Variants in RAD51B observed in about 807,000 individuals in gnomAD.
RAD51B encodes the protein DNA repair protein RAD51 homolog 2.
In RAD51B, 38 loss-of-function variants were observed where a neutral mutation model predicts 42.2. The observed-to-expected ratio is 0.90, with a 90% CI of 0.70 to 1.18. The LOEUF (loss-of-function observed/expected upper bound fraction) is 1.18. Among genes scored for constraint, RAD51B ranks in the 50% most tolerant of loss-of-function variants. RAD51B has a pLI of 0.00. For synonymous variants in RAD51B, 154 were observed against 145.2 expected, an observed-to-expected ratio of 1.06 and a Z score of -0.43; for missense variants, 373 against 400.7, an observed-to-expected ratio of 0.93 and a Z score of 0.59.
intron 8 of RAD51B, among the ~76,000 whole-genome samples, chr14:68,341,813 A>G (rs746327014): frequency 5.3e-5 from 8 of 152,304 alleles, no homozygotes; most frequent in Non-Finnish European, 4.4e-5. Flanking sequence ...CCCCAGAGGT[A>G]GGGGTGGAGC....
intron 7 of RAD51B, among the ~76,000 whole-genome samples, chr14:67,954,987 G>T (rs2074520783): frequency 6.6e-6 from 1 of 151,728 alleles, no homozygotes; most frequent in Non-Finnish European, 1.5e-5. Flanking sequence ...TATAGGGAGA[G>T]GACAGATGCT....
At chr14:68,195,831 C>G (rs1273192044) in intron 7 of RAD51B, among the ~76,000 whole-genome samples, 17 of 150,182 alleles carry the variant, frequency 1.1e-4, no homozygotes, top group Admixed American at 9.9e-4. Flanking sequence ...TCCCTTGAAC[C>G]CAGGAGGCAG....
chr14:68,205,782 G>C (rs530987595), intron 7 of RAD51B, among the ~76,000 whole-genome samples: 1 of 151,976 alleles, frequency 6.6e-6, no homozygotes, highest in African/African-American at 2.4e-5. Context: ...ATATTTTTCT[G>C]AGCCATTTGA....
intron 7 of RAD51B, among the ~76,000 whole-genome samples, chr14:68,151,253 G>A (rs1295793518): frequency 6.6e-6 from 1 of 151,412 alleles, no homozygotes; most frequent in East Asian, 1.9e-4. Context: ...GACTTTTATT[G>A]TTTCTGACTA....
chr14:67,882,806 G>A (rs1026627519), intron 5 of RAD51B, among the ~76,000 whole-genome samples: 1 of 151,830 alleles, frequency 6.6e-6, no homozygotes, highest in African/African-American at 2.4e-5. Context: ...GTGCAGTGGC[G>A]TGATCTTGGC....
At chr14:68,396,045 G>A (rs185723523) in intron 8 of RAD51B, among the ~76,000 whole-genome samples, 6 of 152,206 alleles carry the variant, frequency 3.9e-5, no homozygotes, top group East Asian at 1.9e-4. Flanking sequence ...AAACAAGGAC[G>A]GACTCCTGGC....
intron 8 of RAD51B, chr14:68,339,448 C>G: frequency 1.7e-6 from 1 of 599,354 alleles, no homozygotes. Context: ...AGGGGATTCA[C>G]CACTTCCTTG....
chr14:68,468,083 A>T, intron 9 of RAD51B, 89 bp from the exon 10 acceptor site: 1 of 1,110,594 alleles, frequency 9.0e-7, no homozygotes, highest in Non-Finnish European at 1.4e-6. Flanking sequence ...GTCCTATGTT[A>T]CCACTTTGTC....
intron 5 of RAD51B, among the ~76,000 whole-genome samples, chr14:67,875,163 A>G (rs919598160): frequency 7.2e-5 from 11 of 152,214 alleles, no homozygotes; most frequent in Non-Finnish European, 2.9e-5. Context: ...AGTTGTAATG[A>G]AATCAGAAAA....
At chr14:68,577,275 A>C (rs1044208922) in intron 10 of RAD51B, among the ~76,000 whole-genome samples, 4 of 152,158 alleles carry the variant, frequency 2.6e-5, no homozygotes, top group Admixed American at 1.3e-4. Context: ...TGGACACCCA[A>C]GGAACTGCCC....
intron 7 of RAD51B, among the ~76,000 whole-genome samples, chr14:68,260,125 T>G (rs1338097750): frequency 6.6e-6 from 1 of 151,998 alleles, no homozygotes; most frequent in African/African-American, 2.4e-5. Context: ...GAGGCCTCTA[T>G]GAGGAGGACT....
At chr14:68,622,218 A>G (rs946127018) in intron 10 of RAD51B, among the ~76,000 whole-genome samples, 1 of 152,222 alleles carries the variant, frequency 6.6e-6, no homozygotes, top group African/African-American at 2.4e-5. Flanking sequence ...ACTTGGGATT[A>G]GACCCTTCAC....
At chr14:68,257,354 G>A (rs566080466) in intron 7 of RAD51B, among the ~76,000 whole-genome samples, 5 of 151,872 alleles carry the variant, frequency 3.3e-5, no homozygotes, top group East Asian at 1.9e-4. Context: ...TAAGCATTAC[G>A]CTACATATTT....
intron 11 of RAD51B, among the ~76,000 whole-genome samples, chr14:68,654,743 C>G (rs557622185): frequency 6.6e-6 from 1 of 152,282 alleles, no homozygotes; most frequent in African/African-American, 2.4e-5. Context: ...CATGACCAGG[C>G]CTGCTTCAAA....
At chr14:68,005,392 A>ATTTACACTG (rs1235621236) in intron 7 of RAD51B, among the ~76,000 whole-genome samples, 1 of 152,098 alleles carries the variant, frequency 6.6e-6, no homozygotes, top group African/African-American at 2.4e-5. Context: ...TTCTAGTTTT[A>ATTTACACTG]GCCTAGTGTA....
intron 10 of RAD51B, among the ~76,000 whole-genome samples, chr14:68,529,965 T>C (rs890589165): frequency 3.3e-5 from 5 of 152,058 alleles, no homozygotes; most frequent in Non-Finnish European, 5.9e-5. Flanking sequence ...AATACACAGA[T>C]AGGATAAATT....
chr14:68,411,254 T>C (rs2084411700), intron 8 of RAD51B, among the ~76,000 whole-genome samples, 170 bp from the exon 9 acceptor site: 1 of 152,190 alleles, frequency 6.6e-6, no homozygotes, highest in East Asian at 1.9e-4. Flanking sequence ...GTTTTTAGTC[T>C]CATATTCCTT....
chr14:68,039,297 G>A (rs1023302818), intron 7 of RAD51B, among the ~76,000 whole-genome samples: 5 of 151,744 alleles, frequency 3.3e-5, no homozygotes, highest in African/African-American at 7.3e-5. Context: ...GTGTGGTGGC[G>A]CATGCCTGTA....
chr14:67,961,455 AT>A (rs1293864191), intron 7 of RAD51B, among the ~76,000 whole-genome samples: 1 of 152,220 alleles, frequency 6.6e-6, no homozygotes, highest in Non-Finnish European at 1.5e-5. Context: ...TCAGACAAAG[AT>A]ATGCTGGCTA....
Sources: allele counts gnomAD v4.1 joint callset (sites outside exome capture counted in the v4.1 genomes callset), GRCh38; gene constraint gnomAD v4.1.1; transcripts MANE v1.5; gene names NCBI Gene and HGNC (gene_info 2026-07-23, HGNC 2026-07-21).